Variants in RBM11 observed in about 807,000 individuals in gnomAD.
The protein encoded by RBM11 is RNA binding motif protein 11.
Under a neutral mutation model 21.4 loss-of-function variants are expected in RBM11, and 18 were observed. The observed-to-expected ratio is 0.84, with a 90% CI of 0.58 to 1.25. RBM11 has a LOEUF of 1.25. Among genes scored for constraint, RBM11 ranks in the 50% most tolerant of loss-of-function variants. The pLI is 0.00. For missense variants in RBM11, 294 were observed against 331.9 expected, an observed-to-expected ratio of 0.89 and a Z score of 0.89; for synonymous variants, 120 against 116.3, an observed-to-expected ratio of 1.03 and a Z score of -0.20.
intron 1 of RBM11, among the ~76,000 whole-genome samples, chr21:14,217,860 A>T (rs1290238782): frequency 6.6e-6 from 1 of 152,178 alleles, no homozygotes; most frequent in Admixed American, 6.5e-5. Flanking sequence ...TTATCCAATA[A>T]CCATTATTTT....
intron 3 of RBM11, 38 bp downstream of exon 3, chr21:14,221,207 A>G: frequency 6.6e-7 from 1 of 1,506,652 alleles, no homozygotes. Context: ...GGTAAAGCAA[A>G]TATATTTTTA....
chr21:14,227,446 C>T lies in RBM11; in HGVS notation c.*153C>T. The T allele has an allele frequency of 1.3e-6, 1 of 780,898 alleles. No homozygotes were observed. Among genetic ancestry groups the T allele is most frequent in the Non-Finnish European group, 1.9e-6 (1 of 523,566 alleles). 48.4% of individuals were successfully genotyped at this position (780,898 alleles called of 1,614,324 possible). On this transcript the variant is annotated 3_prime_UTR_variant, in exon 5 of 5. Coordinates refer to ENST00000400577, the MANE Select transcript of RBM11 (RefSeq NM_144770.5). ...TCTCTGGTTTGCTGTTCAATTTTTG[C>T]CTTGAACGACAAAAGCTTTCTAAAA...
Position 14,219,703 on chromosome 21 carries a change from A to G in RBM11, c.237A>G (p.Pro79=), listed in dbSNP as rs1293713030. 1.0e-5 allele frequency: 16 copies of G among 1,602,552 alleles called. No homozygotes were observed. Among genetic ancestry groups the G allele is most frequent in the Non-Finnish European group, 1.2e-5 (14 of 1,172,092 alleles). Residue 79 remains proline, a synonymous_variant, in exon 2 of 5, where the codon CCA becomes CCG. Transcript: ENST00000400577. ...LLNGIRLYGR[P]INVQYRFGSS... ...ATGGAATTCGTTTATATGGAAGACC[A>G]ATTAACGTGCAGTATCGATTTGGTA...
rs1287993932 is a variant in RBM11 at position 14,227,838 on chromosome 21, GT to G, written c.*546del. The G allele has an allele frequency of 1.3e-5, 2 of 152,750 alleles. No individual in the cohort carries two copies. The highest frequency in any genetic ancestry group is 2.9e-5 in the Non-Finnish European group (2 of 68,506). 9.5% of individuals were successfully genotyped at this position (152,750 alleles called of 1,614,324 possible). The stretch of plus-strand genomic sequence containing the variant: ...TTCTTCTTCAGGTTTATTTTATAAA[GT>G]GAGGACATATGATAATGATACCAAA... On this transcript the variant is annotated 3_prime_UTR_variant, in exon 5 of 5. Coordinates refer to ENST00000400577, the MANE Select transcript of RBM11 (RefSeq NM_144770.5).
rs61733444 is a variant in RBM11, at chr21:14,219,565, G to A, written c.99G>A (p.Ala33=). Residue 33 remains alanine, a splice_region_variant and synonymous_variant, in exon 2 of 5, where the codon GCG becomes GCA. Coordinates refer to ENST00000400577, the MANE Select transcript of RBM11 (RefSeq NM_144770.5). ...EEILYELFLQ[A]GPLTKVTICK... ...AATAATTTTTAAGTTTCTTATAGGC[G>A]GGGCCACTAACCAAAGTGACTATAT... 6.8e-4 allele frequency: 1,011 copies of A among 1,489,308 alleles called. 5 individuals carry two copies. The African/African-American group carries it at 0.013, about 19-fold the overall frequency. 92.3% of individuals were successfully genotyped at this position (1,489,308 alleles called of 1,614,324 possible).
intron 2 of RBM11, among the ~76,000 whole-genome samples, chr21:14,220,808 G>T (rs1452598276): frequency 1.3e-5 from 2 of 152,092 alleles, no homozygotes; most frequent in Non-Finnish European, 2.9e-5. Context: ...TAGTTTACAG[G>T]TGTCTGGAAC....
At chr21:14,226,487 C>A (rs899257169) in intron 4 of RBM11, among the ~76,000 whole-genome samples, 1 of 151,816 alleles carries the variant, frequency 6.6e-6, no homozygotes, top group African/African-American at 2.4e-5. Context: ...GGTGTGGTGG[C>A]GTGTGCCTGT....
At chr21:14,225,485 G>T (rs1174456157) in intron 4 of RBM11, among the ~76,000 whole-genome samples, 1 of 152,024 alleles carries the variant, frequency 6.6e-6, no homozygotes, top group African/African-American at 2.4e-5. Flanking sequence ...TTAATCTACA[G>T]TCCCAAGATT....
intron 1 of RBM11, 121 bp downstream of exon 1, chr21:14,216,403 T>C: frequency 1.3e-6 from 1 of 769,554 alleles, no homozygotes; most frequent in Non-Finnish European, 2.1e-6. Context: ...GGTTTTAATT[T>C]CGTTTCCTCT....
intron 2 of RBM11, 106 bp downstream of exon 2, chr21:14,219,831 A>G (rs1978508371): frequency 1.1e-6 from 1 of 880,544 alleles, no homozygotes; most frequent in African/African-American, 1.7e-5. Flanking sequence ...AACAAAAAAA[A>G]GTACCTTCTA....
chr21:14,227,094 T>C lies in RBM11; in HGVS notation c.647T>C (p.Leu216Pro), dbSNP rs946530048. ...AATAGTGCATCCGTGTCTTCCTCAC[T>C]GAATCATGTTCCAGATCTTGAGGCT... The part of the protein sequence containing the change: ...LPNSASVSSS[L>P]NHVPDLEAGP... The change falls in exon 5 of 5, where the codon CTG becomes CCG. Residue 216 changes from leucine (L) to proline (P), a missense_variant. Physicochemically the swap from Leu to Pro is moderately conservative, Grantham distance 98. This residue lies in a region of RBM11 where 113 missense variants were observed against 167.3 expected (regional missense o/e 0.68). Coordinates refer to ENST00000400577, the MANE Select transcript of RBM11 (RefSeq NM_144770.5). The C allele has an allele frequency of 1.9e-6, 3 of 1,613,478 alleles. No homozygotes were observed. Among genetic ancestry groups the C allele is most frequent in the Admixed American group, 1.7e-5 (1 of 59,916 alleles).
At chr21:14,226,716 C>T (rs1228917757) in intron 4 of RBM11, 164 bp from the exon 5 acceptor site, 6 of 893,314 alleles carry the variant, frequency 6.7e-6, no homozygotes, top group Non-Finnish European at 1.0e-5. Context: ...TATATTGACC[C>T]TTTAATGAAA....
chr21:14,227,060 C>T lies in RBM11; in HGVS notation c.613C>T (p.Pro205Ser). Residue 205 changes from proline to serine, a missense_variant, in exon 5 of 5, where the codon CCA becomes TCA. Around this residue, in one of 2 missense-constraint regions of RBM11, gnomAD observed 113 missense variants for 167.3 expected, o/e 0.68. Coordinates refer to ENST00000400577, the MANE Select transcript of RBM11 (RefSeq NM_144770.5). Reference sequence around the variant, plus strand: ...CTCTGACCTTTATCAGATGACAGCTCCACTTCCTAATAGTGCATCCGTGTC... The same window carrying T: ...CTCTGACCTTTATCAGATGACAGCTTCACTTCCTAATAGTGCATCCGTGTC... ...SDSDLYQMTA[P>S]LPNSASVSSS... 6.2e-7 allele frequency: 1 copy of T among 1,613,806 alleles called. No homozygotes were observed. Among genetic ancestry groups the T allele is most frequent in the Non-Finnish European group, 8.5e-7 (1 of 1,179,860 alleles).
chr21:14,222,710 T>C (rs372649), intron 3 of RBM11, among the ~76,000 whole-genome samples: 34,623 of 152,132 alleles, frequency 0.23, 4,154 homozygotes, highest in African/African-American at 0.31. Context: ...TAACAGTCAG[T>C]TAACACTATT....
intron 1 of RBM11, 51 bp from the exon 2 acceptor site, chr21:14,219,512 A>G: frequency 3.7e-6 from 5 of 1,334,012 alleles, no homozygotes; most frequent in Middle Eastern, 1.9e-4. Flanking sequence ...TTATTTGAGT[A>G]TAAAAAAAAT....
chr21:14,216,407 T>G, intron 1 of RBM11, 125 bp downstream of exon 1: 2 of 739,978 alleles, frequency 2.7e-6, no homozygotes, highest in Non-Finnish European at 2.2e-6. Flanking sequence ...TTAATTTCGT[T>G]TCCTCTTGGC....
At chr21:14,223,274 C>G (rs913144971) in intron 3 of RBM11, among the ~76,000 whole-genome samples, 1 of 152,168 alleles carries the variant, frequency 6.6e-6, no homozygotes, top group Non-Finnish European at 1.5e-5. Flanking sequence ...AAGTGATTTG[C>G]AGAGAAAAAT....
chr21:14,217,572 G>C (rs148293645), intron 1 of RBM11, among the ~76,000 whole-genome samples: 63 of 152,162 alleles, frequency 4.1e-4, no homozygotes, highest in African/African-American at 1.4e-3. Context: ...TTTCCTGGAC[G>C]TAAAACTTTT....
chr21:14,219,717 A>G lies in RBM11; in HGVS notation c.251A>G (p.Tyr84Cys), dbSNP rs745874376. 6.9e-6 allele frequency: 11 copies of G among 1,592,294 alleles called. No homozygotes were observed. The Admixed American group carries it at 8.5e-5, about 12-fold the overall frequency. ...RLYGRPINVQ[Y>C]RFGSSRSSEP... ...TATGGAAGACCAATTAACGTGCAGT[A>G]TCGATTTGGTAGGTCCTGTCACTGA... The change falls in exon 2 of 5, where the codon TAT becomes TGT. Residue 84 changes from tyrosine to cysteine, a missense_variant. Coordinates refer to ENST00000400577, the MANE Select transcript of RBM11 (RefSeq NM_144770.5).
Sources: gnomAD v4.1 joint callset for allele counts (sites outside exome capture counted in the v4.1 genomes callset) on GRCh38, gnomAD v4.1.1 for gene constraint, gnomAD v4.1.1 regional missense constraint, MANE v1.5 for transcripts, NCBI Gene and HGNC (gene_info 2026-07-23, HGNC 2026-07-21) for gene names.